The following PSD3 variants were observed in gnomAD, a reference collection of about 807,000 sequenced individuals.
PSD3 encodes the protein PH and SEC7 domain-containing protein 3.
PSD3 carries 49 observed loss-of-function variants against 105.5 expected under a neutral mutation model. That is an observed-to-expected ratio of 0.46 (90% CI 0.37 to 0.59). PSD3 has a LOEUF of 0.59. Ranked by LOEUF, PSD3 falls within the 20% of genes least tolerant of loss-of-function variation. The probability of loss-of-function intolerance (pLI) is 0.00; values close to 1 mark genes in which losing one functional copy is unlikely to be tolerated. For missense variants in PSD3, 1,561 were observed against 1,263.8 expected (o/e 1.24, Z -3.57); for synonymous variants, 557 against 457.8 (o/e 1.22, Z -2.77).
At chr8:18,743,438 T>C (rs1804735812) in intron 9 of PSD3, among the ~76,000 whole-genome samples, 1 of 152,172 alleles carries the variant, frequency 6.6e-6, no homozygotes, top group Admixed American at 6.5e-5. Flanking sequence ...TTACATTCTT[T>C]AGTATTCTTT....
chr8:18,646,454 T>TA (rs767224865), intron 10 of PSD3, among the ~76,000 whole-genome samples: 4 of 152,068 alleles, frequency 2.6e-5, no homozygotes, highest in East Asian at 3.9e-4. Context: ...TATGTCAAGG[T>TA]AAAAAATATT....
intron 9 of PSD3, among the ~76,000 whole-genome samples, chr8:18,753,343 G>A (rs1036961221): frequency 1.1e-4 from 17 of 149,136 alleles, no homozygotes; most frequent in Admixed American, 4.7e-4. Flanking sequence ...GACAGAGCGA[G>A]ACTCCAACTC....
intron 9 of PSD3, among the ~76,000 whole-genome samples, chr8:18,678,621 G>A (rs1468284092): frequency 6.6e-6 from 1 of 152,172 alleles, no homozygotes; most frequent in Non-Finnish European, 1.5e-5. Context: ...AGACCAGCCC[G>A]ACAAACATGG....
At chr8:18,869,710 G>C (rs999967081) in intron 3 of PSD3, among the ~76,000 whole-genome samples, 2 of 152,084 alleles carry the variant, frequency 1.3e-5, no homozygotes, top group African/African-American at 4.8e-5. Context: ...GAAAAGCTTT[G>C]TCCAAGCCAT....
chr8:19,066,797 T>C (rs1462614372), intron 1 of PSD3, among the ~76,000 whole-genome samples: 1 of 152,222 alleles, frequency 6.6e-6, no homozygotes, highest in Non-Finnish European at 1.5e-5. Flanking sequence ...TAATAAATGC[T>C]CAATAAATGT....
At chr8:18,915,898 C>T (rs1453065635) in intron 2 of PSD3, among the ~76,000 whole-genome samples, 3 of 151,954 alleles carry the variant, frequency 2.0e-5, no homozygotes, top group African/African-American at 7.2e-5. Flanking sequence ...GAGTTAGAGA[C>T]CAGCCTGACC....
At chr8:18,661,274 TCAGA>T (rs1809328094) in intron 9 of PSD3, among the ~76,000 whole-genome samples, 1 of 152,214 alleles carries the variant, frequency 6.6e-6, no homozygotes, top group Non-Finnish European at 1.5e-5. Flanking sequence ...GAATTTGTAC[TCAGA>T]AAGAATTATG....
intron 1 of PSD3, among the ~76,000 whole-genome samples, chr8:18,983,746 C>A (rs1028795208): frequency 1.3e-5 from 2 of 151,930 alleles, no homozygotes; most frequent in Admixed American, 1.3e-4. Context: ...TGCCTGTAAT[C>A]CTACCATTTT....
intron 1 of PSD3, among the ~76,000 whole-genome samples, chr8:19,020,538 C>T (rs1330101369): frequency 6.6e-6 from 1 of 152,000 alleles, no homozygotes; most frequent in African/African-American, 2.4e-5. Context: ...TGTAAAGACC[C>T]TTAACTGCCC....
At chr8:18,632,867 G>A (rs752529208) in intron 10 of PSD3, 61 bp from the exon 11 acceptor site, 28 of 1,297,750 alleles carry the variant, frequency 2.2e-5, no homozygotes, top group African/African-American at 4.5e-5. Flanking sequence ...AAAGAAAAAG[G>A]TAAGTTATTG....
intron 9 of PSD3, chr8:18,730,146 C>G (rs974434305): frequency 6.6e-6 from 1 of 152,156 alleles, no homozygotes; most frequent in African/African-American, 2.4e-5. Flanking sequence ...CAAGGCACCA[C>G]TTCTTTTGAG....
At chr8:18,699,654 C>T (rs976297295) in intron 9 of PSD3, among the ~76,000 whole-genome samples, 13 of 151,986 alleles carry the variant, frequency 8.6e-5, no homozygotes, top group African/African-American at 2.7e-4. Context: ...TTTCAGGTAG[C>T]GTAAAGACTG....
intron 12 of PSD3, among the ~76,000 whole-genome samples, chr8:18,580,417 G>A (rs547218412): frequency 3.3e-5 from 5 of 152,136 alleles, no homozygotes; most frequent in South Asian, 4.2e-4. Context: ...TACTGGTTTT[G>A]TAAAAACCAA....
intron 9 of PSD3, among the ~76,000 whole-genome samples, chr8:18,748,877 CA>C (rs1371959187): frequency 6.6e-6 from 1 of 152,108 alleles, no homozygotes; most frequent in Non-Finnish European, 1.5e-5. Context: ...TGGGGCAATA[CA>C]AAAGGAGAGT....
In PSD3 at chr8:18,636,790, T is replaced by A. The variant is rs551439128; in HGVS notation, c.2217-3984A>T. Among the ~76,000 whole-genome samples, 3 of 152,338 alleles carry A rather than the reference T, an allele frequency of 2.0e-5. No individual in the cohort carries two copies. In the South Asian group the frequency reaches 6.2e-4, roughly 32 times the overall value. On this transcript the variant is annotated intron_variant, in intron 10 of 15. Coordinates refer to ENST00000327040, the MANE Select transcript of PSD3 (RefSeq NM_015310.4). ...GGCACAGTAACGAGCTATACAGGAT[T>A]ATAGCCTAGGAGCAATAGGCTATAC... is the stretch of plus-strand genomic sequence containing the variant.
At chr8:18,920,740 G>C (rs997665885) in intron 2 of PSD3, among the ~76,000 whole-genome samples, 4 of 152,090 alleles carry the variant, frequency 2.6e-5, no homozygotes. Context: ...TCCTGGTGTG[G>C]TACTATCCCA....
At chr8:18,645,601 T>C (rs1807973084) in intron 10 of PSD3, among the ~76,000 whole-genome samples, 1 of 152,226 alleles carries the variant, frequency 6.6e-6, no homozygotes, top group African/African-American at 2.4e-5. Context: ...TTTGTTATGC[T>C]AGTACTAACA....
intron 9 of PSD3, among the ~76,000 whole-genome samples, chr8:18,661,589 T>C (rs1809351859): frequency 6.6e-6 from 1 of 152,202 alleles, no homozygotes; most frequent in Non-Finnish European, 1.5e-5. Flanking sequence ...AGGAAGCTTC[T>C]CCAAAACTAG....
intron 4 of PSD3, among the ~76,000 whole-genome samples, chr8:18,850,998 G>A (rs1182528674): frequency 1.3e-5 from 2 of 152,154 alleles, no homozygotes; most frequent in African/African-American, 2.4e-5. Context: ...ACAAAAGCGA[G>A]ACAAAGTGCA....
Sources: allele counts gnomAD v4.1 joint callset (sites outside exome capture counted in the v4.1 genomes callset), GRCh38; gene constraint gnomAD v4.1.1; transcripts MANE v1.5; gene names NCBI Gene and HGNC (gene_info 2026-07-23, HGNC 2026-07-21).